The following SDCCAG8 variants were observed in gnomAD, a reference collection of about 807,000 sequenced individuals.
The protein encoded by SDCCAG8 is SHH signaling and ciliogenesis regulator SDCCAG8, also known as serologically defined colon cancer antigen 8.
SDCCAG8 carries 74 observed loss-of-function variants against 101.8 expected under a neutral mutation model. The observed-to-expected ratio is 0.73, with a 90% CI of 0.60 to 0.88. SDCCAG8 has a LOEUF of 0.88. Ranked by LOEUF, SDCCAG8 falls within the 40% of genes least tolerant of loss-of-function variation. SDCCAG8 has a pLI of 0.00. For synonymous variants in SDCCAG8, 281 were observed against 292.9 expected (o/e 0.96, Z 0.41); for missense variants, 787 against 822.6 (o/e 0.96, Z 0.53).
chr1:243,349,010 CAA>C (rs200574627), intron 12 of SDCCAG8, among the ~76,000 whole-genome samples: 1 of 127,432 alleles, frequency 7.8e-6, no homozygotes, highest in African/African-American at 2.8e-5. Context: ...ACAAACAAAA[CAA>C]AAAAAAAAAA....
intron 4 of SDCCAG8, among the ~76,000 whole-genome samples, chr1:243,280,580 T>G (rs937942561): frequency 3.9e-5 from 6 of 152,232 alleles, no homozygotes; most frequent in African/African-American, 1.4e-4. Context: ...CTCCTTTTGC[T>G]GCATCCTTTT....
Position 243,448,697 on chromosome 1 carries a change from A to G in SDCCAG8, c.1985+22139A>G, listed in dbSNP as rs138553825. 2.1e-3 allele frequency among the ~76,000 whole-genome samples: 321 copies of G among 152,118 alleles called. 2 individuals are homozygous for G. The highest frequency in any genetic ancestry group is 7.2e-3 in the African/African-American group (298 of 41,482). ...TTCGTTCAGACAGCAGTTTGCTCAA[A>G]TGTACAGGACATTATAATTATTCTT... On this transcript the variant is annotated intron_variant, in intron 16 of 17. Coordinates refer to ENST00000366541, the MANE Select transcript of SDCCAG8 (RefSeq NM_006642.5).
At chr1:243,329,620 A>G (rs928182179) in intron 9 of SDCCAG8, among the ~76,000 whole-genome samples, 1 of 152,200 alleles carries the variant, frequency 6.6e-6, no homozygotes, top group Non-Finnish European at 1.5e-5. Context: ...CACTGGAATA[A>G]GACTATAAGA....
intron 1 of SDCCAG8, among the ~76,000 whole-genome samples, chr1:243,265,681 C>T (rs866044455): frequency 2.4e-4 from 36 of 151,914 alleles, no homozygotes; most frequent in Middle Eastern, 3.2e-3. Flanking sequence ...GGTGTGGTGG[C>T]GCATGCCTGT....
intron 8 of SDCCAG8, among the ~76,000 whole-genome samples, chr1:243,313,401 A>G (rs1269990192): frequency 6.6e-6 from 1 of 152,176 alleles, no homozygotes; most frequent in Non-Finnish European, 1.5e-5. Flanking sequence ...CTTGGCTGAG[A>G]TTGTTAAGGG....
intron 13 of SDCCAG8, among the ~76,000 whole-genome samples, chr1:243,408,206 T>C (rs190666922): frequency 1.3e-5 from 2 of 152,342 alleles, no homozygotes; most frequent in Non-Finnish European, 2.9e-5. Flanking sequence ...CGTTTATTCA[T>C]TCATGAAATG....
At chr1:243,397,590 A>C (rs758305913) in intron 13 of SDCCAG8, among the ~76,000 whole-genome samples, 1 of 122,314 alleles carries the variant, frequency 8.2e-6, no homozygotes, top group Non-Finnish European at 1.9e-5. Context: ...AGAAATTTGC[A>C]ATGTTAGAAT....
chr1:243,408,688 A>G (rs2079958208), intron 13 of SDCCAG8, among the ~76,000 whole-genome samples: 1 of 152,190 alleles, frequency 6.6e-6, no homozygotes, highest in Non-Finnish European at 1.5e-5. Context: ...ATAGCCCTGG[A>G]TTTCCTGGCT....
chr1:243,490,715 C>T (rs1251307380), intron 17 of SDCCAG8, among the ~76,000 whole-genome samples: 1 of 152,214 alleles, frequency 6.6e-6, no homozygotes, highest in Non-Finnish European at 1.5e-5. Flanking sequence ...TGTTTCCTTT[C>T]TCCCTCATCT....
At chr1:243,311,817 T>C (rs147054854) in intron 8 of SDCCAG8, among the ~76,000 whole-genome samples, 123 of 152,298 alleles carry the variant, frequency 8.1e-4, no homozygotes, top group African/African-American at 2.9e-3. Flanking sequence ...TTGCCTTTTA[T>C]ATTATCCTTC....
At chr1:243,324,743 G>T (rs1349517938) in intron 9 of SDCCAG8, among the ~76,000 whole-genome samples, 1 of 152,032 alleles carries the variant, frequency 6.6e-6, no homozygotes, top group Non-Finnish European at 1.5e-5. Context: ...AACATTTATA[G>T]TTCCTGAGTT....
intron 6 of SDCCAG8, among the ~76,000 whole-genome samples, chr1:243,298,345 C>G (rs149097301): frequency 1.4e-5 from 2 of 139,770 alleles, no homozygotes; most frequent in Non-Finnish European, 3.1e-5. Context: ...GCCACCGCAC[C>G]CTGCCTTTTT....
chr1:243,324,645 A>G (rs2074017410), intron 9 of SDCCAG8, among the ~76,000 whole-genome samples: 1 of 151,932 alleles, frequency 6.6e-6, no homozygotes, highest in South Asian at 2.1e-4. Context: ...GTATTCTTAT[A>G]CCAAGTATGC....
chr1:243,386,744 C>A (rs563371811), intron 13 of SDCCAG8, among the ~76,000 whole-genome samples: 1 of 150,430 alleles, frequency 6.6e-6, no homozygotes, highest in South Asian at 2.1e-4. Context: ...CAGAGCGAGA[C>A]TCCATCTCAA....
At chr1:243,352,674 T>A (rs1331239828) in intron 12 of SDCCAG8, among the ~76,000 whole-genome samples, 1 of 152,234 alleles carries the variant, frequency 6.6e-6, no homozygotes, top group Non-Finnish European at 1.5e-5. Context: ...TGCATACATT[T>A]AAAAAAATTT....
intron 4 of SDCCAG8, among the ~76,000 whole-genome samples, chr1:243,283,058 G>A (rs2069208378): frequency 6.6e-6 from 1 of 152,054 alleles, no homozygotes; most frequent in Non-Finnish European, 1.5e-5. Context: ...TGTTAGCCAG[G>A]CTGGTTTTGA....
chr1:243,426,537 T>A lies in SDCCAG8; in HGVS notation c.1964T>A (p.Val655Glu), dbSNP rs1415587153. ...LEEQCVQHGR[V>E]HETMKQRLRQ... is the part of the protein sequence containing the mutation. ...GAACAGTGTGTCCAGCATGGGAGAG[T>A]ACATGAGACGATGAAGCAAAGGTAA... Residue 655 changes from valine (V) to glutamate (E), a missense_variant, in exon 16 of 18, where the codon GTA (valine) becomes GAA (glutamate). By Grantham distance (121) the Val-to-Glu change is moderately radical. Transcript: ENST00000366541. The A allele has an allele frequency of 1.2e-6, 2 of 1,613,754 alleles. No homozygotes were observed. The highest frequency in any genetic ancestry group is 1.7e-6 in the Non-Finnish European group (2 of 1,179,900).
chr1:243,321,384 TCTC>T (rs572734489), intron 9 of SDCCAG8, among the ~76,000 whole-genome samples: 165 of 149,484 alleles, frequency 1.1e-3, no homozygotes, highest in Middle Eastern at 0.011. Context: ...TGCCCCCCTC[TCTC>T]CTCCCCCAAG....
chr1:243,294,697 C>CCG (rs1558248613), intron 6 of SDCCAG8, among the ~76,000 whole-genome samples: 1 of 10,370 alleles, frequency 9.6e-5, no homozygotes, highest in African/African-American at 1.8e-4. Context: ...TTTCTAAATT[C>CCG]CCCCCCCCCC....
Sources: gnomAD v4.1 joint callset for allele counts (sites outside exome capture counted in the v4.1 genomes callset) on GRCh38, gnomAD v4.1.1 for gene constraint, MANE v1.5 for transcripts, NCBI Gene and HGNC (gene_info 2026-07-23, HGNC 2026-07-21) for gene names.